MGAT4C: variants seen among roughly 807,000 people sequenced by gnomAD.
MGAT4C encodes the protein MGAT4 family member C, also known as alpha-1,3-mannosyl-glycoprotein 4-beta-N-acetylglucosaminyltransferase C.
A neutral mutation model predicts 40.1 loss-of-function variants in MGAT4C; 19 were observed. The observed-to-expected ratio is 0.47, with a 90% confidence interval of 0.33 to 0.70. The LOEUF is 0.70. MGAT4C is among the 30% of genes least tolerant of loss of function. MGAT4C has a pLI of 0.02. For missense variants in MGAT4C, 491 were observed against 563.2 expected, an observed-to-expected ratio of 0.87 and a Z score of 1.30; for synonymous variants, 181 against 187.1, an observed-to-expected ratio of 0.97 and a Z score of 0.27.
intron 1 of MGAT4C, among the ~76,000 whole-genome samples, chr12:86,761,604 C>T (rs1009841715): frequency 6.6e-6 from 1 of 152,114 alleles, no homozygotes; most frequent in African/African-American, 2.4e-5. Context: ...TTAAAGATAT[C>T]AGGAGTCAAG....
At chr12:86,779,530 A>G (rs1951800419) in intron 1 of MGAT4C, among the ~76,000 whole-genome samples, 1 of 151,920 alleles carries the variant, frequency 6.6e-6, no homozygotes, top group Admixed American at 6.6e-5. Context: ...TGAGCCCAGA[A>G]GTTTGAGGCT....
At chr12:86,568,003 CT>C (rs1199638653) in intron 2 of MGAT4C, among the ~76,000 whole-genome samples, 14 of 152,052 alleles carry the variant, frequency 9.2e-5, no homozygotes. Flanking sequence ...TTATTATTCT[CT>C]TTATTTGAAG....
intron 1 of MGAT4C, among the ~76,000 whole-genome samples, chr12:86,733,386 T>C (rs1042888533): frequency 4.6e-5 from 7 of 152,108 alleles, no homozygotes; most frequent in South Asian, 2.1e-4. Flanking sequence ...AAGGCAGCCA[T>C]AGCAAGTATC....
chr12:86,696,675 C>T lies in MGAT4C; in HGVS notation c.-229+30534G>A, dbSNP rs796763233. Among the ~76,000 whole-genome samples, 11 of 152,168 alleles carry T rather than the reference C, an allele frequency of 7.2e-5. 1 individual carries two copies. The highest frequency in any genetic ancestry group is 2.4e-4 in the African/African-American group (10 of 41,530). ...AATCTTAAATTTACTTTCTATATTC[C>T]AAAGCTGTGATATCCATACAAGCTT... On this transcript the variant is annotated intron_variant, in intron 2 of 7. Coordinates refer to the MGAT4C transcript ENST00000548651.
At chr12:86,428,965 C>T (rs1017286176) in intron 3 of MGAT4C, among the ~76,000 whole-genome samples, 4 of 151,452 alleles carry the variant, frequency 2.6e-5, no homozygotes, top group Admixed American at 6.6e-5. Context: ...TTTTCTAATT[C>T]GATATTTATT....
intron 3 of MGAT4C, among the ~76,000 whole-genome samples, chr12:86,376,972 C>T (rs905120052): frequency 1.3e-5 from 2 of 151,238 alleles, no homozygotes; most frequent in Non-Finnish European, 1.5e-5. Flanking sequence ...TTCTCTTCAA[C>T]CTTCATTTTC....
chr12:86,633,576 C>T (rs1233792062), intron 2 of MGAT4C, among the ~76,000 whole-genome samples: 3 of 151,996 alleles, frequency 2.0e-5, no homozygotes, highest in African/African-American at 7.2e-5. Flanking sequence ...CCAGTAATCT[C>T]AAAAATAATT....
At chr12:86,473,796 C>T (rs1328718396) in intron 2 of MGAT4C, among the ~76,000 whole-genome samples, 1 of 152,062 alleles carries the variant, frequency 6.6e-6, no homozygotes, top group Non-Finnish European at 1.5e-5. Flanking sequence ...TGAATAAAGT[C>T]CATCTTTAAT....
intron 1 of MGAT4C, among the ~76,000 whole-genome samples, chr12:86,763,168 A>G (rs1951435971): frequency 6.6e-6 from 1 of 152,192 alleles, no homozygotes; most frequent in Non-Finnish European, 1.5e-5. Context: ...GAAAAATGTT[A>G]AGTGTGACTC....
At chr12:86,508,053 ATTTT>A (rs199857655) in intron 2 of MGAT4C, among the ~76,000 whole-genome samples, 3 of 147,960 alleles carry the variant, frequency 2.0e-5, no homozygotes, top group African/African-American at 4.9e-5. Flanking sequence ...TGTCTTTAAT[ATTTT>A]TTTATTTATT....
intron 1 of MGAT4C, among the ~76,000 whole-genome samples, chr12:86,784,898 A>G (rs1951905905): frequency 6.6e-6 from 1 of 151,970 alleles, no homozygotes; most frequent in Admixed American, 6.6e-5. Context: ...AGAAAGGGAA[A>G]TGATTGTAGG....
At chr12:86,639,804 G>A (rs1963327136) in intron 2 of MGAT4C, among the ~76,000 whole-genome samples, 1 of 151,508 alleles carries the variant, frequency 6.6e-6, no homozygotes, top group African/African-American at 2.4e-5. Context: ...AGTTTTGATT[G>A]GAATCAACAA....
chr12:86,505,197 T>G (rs1958450567), intron 2 of MGAT4C, among the ~76,000 whole-genome samples: 1 of 151,982 alleles, frequency 6.6e-6, no homozygotes, highest in Non-Finnish European at 1.5e-5. Context: ...ATGACTACTC[T>G]CAATTGTTTG....
intron 2 of MGAT4C, among the ~76,000 whole-genome samples, chr12:86,445,025 G>T (rs1449666950): frequency 1.3e-5 from 2 of 152,188 alleles, no homozygotes; most frequent in Admixed American, 6.5e-5. Context: ...GAACCAGAAA[G>T]GTGGGGGTGG....
At chr12:86,543,235 C>A (rs933993985) in intron 2 of MGAT4C, among the ~76,000 whole-genome samples, 1 of 151,228 alleles carries the variant, frequency 6.6e-6, no homozygotes, top group Non-Finnish European at 1.5e-5. Flanking sequence ...TTTTATATTC[C>A]TACCTTATTA....
chr12:85,991,760 G>A (rs1477896121), intron 2 of MGAT4C, among the ~76,000 whole-genome samples: 1 of 152,158 alleles, frequency 6.6e-6, no homozygotes, highest in Non-Finnish European at 1.5e-5. Context: ...GAGGGGCAGA[G>A]GTAAGAAGAT....
intron 2 of MGAT4C, among the ~76,000 whole-genome samples, chr12:86,514,571 G>GT (rs1958651273): frequency 1.3e-5 from 2 of 152,222 alleles, no homozygotes; most frequent in African/African-American, 4.8e-5. Context: ...AGCAAAATAT[G>GT]TTTCAGTTTT....
At chr12:86,108,346 C>A (rs1592958855) in intron 1 of MGAT4C, among the ~76,000 whole-genome samples, 1 of 152,114 alleles carries the variant, frequency 6.6e-6, no homozygotes, top group East Asian at 1.9e-4. Context: ...CCATGCCAGG[C>A]AAAGGTTAAG....
chr12:86,382,039 C>T (rs558639456), intron 3 of MGAT4C, among the ~76,000 whole-genome samples: 56 of 152,178 alleles, frequency 3.7e-4, no homozygotes, highest in Admixed American at 2.0e-3. Context: ...GTCTTTATCC[C>T]GAAAATGTGG....
Sources: gnomAD v4.1 joint callset for allele counts (sites outside exome capture counted in the v4.1 genomes callset) on GRCh38, gnomAD v4.1.1 for gene constraint, MANE v1.5 for transcripts, NCBI Gene and HGNC (gene_info 2026-07-23, HGNC 2026-07-21) for gene names.